GPC5: variants seen among roughly 807,000 people sequenced by gnomAD.
The protein encoded by GPC5 is glypican-5.
GPC5 carries 47 observed loss-of-function variants against 53.9 expected under a neutral mutation model. The observed-to-expected ratio is 0.87, with a 90% CI of 0.69 to 1.11. The LOEUF is 1.11. Among genes scored for constraint, GPC5 ranks in the 50% most tolerant of loss-of-function variants. The pLI, the probability that GPC5 is intolerant of heterozygous loss-of-function variation, is 0.00. For missense variants in GPC5, 748 were observed against 713.1 expected (o/e 1.05, Z -0.56); for synonymous variants, 286 against 263.3 (o/e 1.09, Z -0.84).
intron 7 of GPC5, among the ~76,000 whole-genome samples, chr13:92,419,412 A>G (rs1050831909): frequency 3.3e-5 from 5 of 152,210 alleles, no homozygotes; most frequent in African/African-American, 1.2e-4. Flanking sequence ...TAGAGTGGGA[A>G]AAGGTAAATG....
chr13:92,663,848 CACACACACTATATATATA>C (rs1566350980), intron 7 of GPC5, among the ~76,000 whole-genome samples: 396 of 117,908 alleles, frequency 3.4e-3, no homozygotes, highest in Non-Finnish European at 5.5e-3. Flanking sequence ...TATATATACA[CACACACACTATATATATA>C]TATATATATA....
At chr13:91,466,073 T>C (rs1323199643) in intron 2 of GPC5, among the ~76,000 whole-genome samples, 2 of 152,262 alleles carry the variant, frequency 1.3e-5, no homozygotes, top group South Asian at 2.1e-4. Flanking sequence ...GCCTGAACCC[T>C]GAAGGCCAGG....
chr13:91,488,896 G>A (rs1006067013), intron 2 of GPC5, among the ~76,000 whole-genome samples: 3 of 152,214 alleles, frequency 2.0e-5, no homozygotes, highest in Admixed American at 6.5e-5. Context: ...CCCTGAGAAA[G>A]AGAATGTGTC....
intron 7 of GPC5, among the ~76,000 whole-genome samples, chr13:92,597,682 T>A (rs981766120): frequency 1.3e-5 from 2 of 152,204 alleles, no homozygotes; most frequent in African/African-American, 4.8e-5. Flanking sequence ...ATCCATTTTA[T>A]TCATTGACAT....
intron 7 of GPC5, among the ~76,000 whole-genome samples, chr13:92,667,119 T>C (rs1886600065): frequency 6.6e-6 from 1 of 152,168 alleles, no homozygotes; most frequent in African/African-American, 2.4e-5. Context: ...TGAAAGGAAG[T>C]ACCTCTCTGA....
At chr13:92,141,541 G>A (rs2041830552) in intron 6 of GPC5, among the ~76,000 whole-genome samples, 1 of 152,104 alleles carries the variant, frequency 6.6e-6, no homozygotes, top group African/African-American at 2.4e-5. Flanking sequence ...AGAATCAAAA[G>A]CTTTCAAACA....
At chr13:91,438,672 C>T (rs1337101066) in intron 1 of GPC5, among the ~76,000 whole-genome samples, 1 of 152,202 alleles carries the variant, frequency 6.6e-6, no homozygotes, top group Non-Finnish European at 1.5e-5. Flanking sequence ...GGGAGAACCA[C>T]TACTCTCTTC....
At chr13:92,286,498 A>G (rs931305990) in intron 7 of GPC5, among the ~76,000 whole-genome samples, 1 of 152,264 alleles carries the variant, frequency 6.6e-6, no homozygotes, top group Admixed American at 6.5e-5. Flanking sequence ...ATGTCCATCA[A>G]TGATAGACTG....
chr13:91,912,728 G>A (rs2039621664), intron 6 of GPC5, among the ~76,000 whole-genome samples: 1 of 113,724 alleles, frequency 8.8e-6, no homozygotes. Flanking sequence ...GGATATTTAG[G>A]TTGTGACCAG....
At chr13:91,989,176 C>T (rs1441818455) in intron 6 of GPC5, among the ~76,000 whole-genome samples, 1 of 152,102 alleles carries the variant, frequency 6.6e-6, no homozygotes, top group Non-Finnish European at 1.5e-5. Flanking sequence ...GAAGTTCTTC[C>T]AGGCAGTTTT....
chr13:92,828,671 G>A (rs971376923), intron 7 of GPC5, among the ~76,000 whole-genome samples: 5 of 152,222 alleles, frequency 3.3e-5, no homozygotes, highest in Admixed American at 2.0e-4. Context: ...TACACCATAG[G>A]AAAATTGAGC....
At position 91,965,056 on chromosome 13, in the gene GPC5, G is replaced by A. The variant is rs148168126; in HGVS notation, c.1401+56999G>A. Among the ~76,000 whole-genome samples, 427 of 136,732 alleles carry A rather than the reference G, an allele frequency of 3.1e-3. 8 individuals are homozygous for A. Among genetic ancestry groups the A allele is most frequent in the East Asian group, 0.028 (120 of 4,212 alleles). 89.7% of individuals were successfully genotyped at this position (136,732 alleles called of 152,430 possible). The stretch of plus-strand genomic sequence containing the variant: ...AATGAGAACACTTAGACACAGGGTG[G>A]GGAACATCACACACTGGGGCCTGTC... On this transcript the variant is annotated intron_variant, in intron 6 of 7. Coordinates refer to ENST00000377067, the MANE Select transcript of GPC5 (RefSeq NM_004466.6).
At chr13:92,838,439 C>T (rs1210663234) in intron 7 of GPC5, among the ~76,000 whole-genome samples, 3 of 149,060 alleles carry the variant, frequency 2.0e-5, no homozygotes, top group African/African-American at 7.4e-5. Context: ...GTCGAGATCA[C>T]GCCACTGCAC....
At chr13:91,527,497 G>C (rs1001299807) in intron 2 of GPC5, among the ~76,000 whole-genome samples, 1 of 152,228 alleles carries the variant, frequency 6.6e-6, no homozygotes, top group African/African-American at 2.4e-5. Context: ...CCCCACAGCT[G>C]CTTTCACAGC....
chr13:91,403,431 A>C (rs1877096774), intron 1 of GPC5, among the ~76,000 whole-genome samples: 1 of 152,166 alleles, frequency 6.6e-6, no homozygotes, highest in Non-Finnish European at 1.5e-5. Context: ...GGAATTGGCT[A>C]TTTTGGTAAC....
chr13:92,352,634 A>G (rs2043488756), intron 7 of GPC5, among the ~76,000 whole-genome samples: 1 of 152,214 alleles, frequency 6.6e-6, no homozygotes, highest in African/African-American at 2.4e-5. Context: ...TGAAGATTCC[A>G]ATCAAGATAG....
intron 2 of GPC5, among the ~76,000 whole-genome samples, chr13:91,636,128 C>A (rs1001982283): frequency 1.3e-5 from 2 of 152,042 alleles, no homozygotes; most frequent in Non-Finnish European, 2.9e-5. Context: ...CATCAAAAAT[C>A]ATTTTTCCAA....
intron 7 of GPC5, among the ~76,000 whole-genome samples, chr13:92,399,944 T>G (rs1188876307): frequency 6.6e-6 from 1 of 152,208 alleles, no homozygotes; most frequent in African/African-American, 2.4e-5. Context: ...AAATTATTTG[T>G]GGTTGACTGA....
intron 7 of GPC5, among the ~76,000 whole-genome samples, chr13:92,516,237 T>C (rs974729016): frequency 1.3e-5 from 2 of 152,084 alleles, no homozygotes; most frequent in African/African-American, 4.8e-5. Context: ...CATACTGAGG[T>C]CTACACAAGA....
Sources: gnomAD v4.1 joint callset for allele counts (sites outside exome capture counted in the v4.1 genomes callset) on GRCh38, gnomAD v4.1.1 for gene constraint, MANE v1.5 for transcripts, NCBI Gene and HGNC (gene_info 2026-07-23, HGNC 2026-07-21) for gene names.